Variants in CNOT7 observed in about 807,000 individuals in gnomAD.
CNOT7 encodes BTG1-binding factor 1.
CNOT7 carries 4 observed loss-of-function variants against 37.1 expected under a neutral mutation model. The observed-to-expected ratio is 0.11, with a 90% CI of 0.05 to 0.25. The LOEUF (loss-of-function observed/expected upper bound fraction) is 0.25. Among genes scored for constraint, CNOT7 ranks in the 10% least tolerant of loss-of-function variants. The pLI is 1.00. For missense variants in CNOT7, 170 were observed against 336.2 expected, an observed-to-expected ratio of 0.51 and a Z score of 3.87; for synonymous variants, 128 against 115.6, an observed-to-expected ratio of 1.11 and a Z score of -0.69.
chr8:17,233,956 A>G (rs1028444561), intron 5 of CNOT7, among the ~76,000 whole-genome samples: 4 of 152,196 alleles, frequency 2.6e-5, no homozygotes, highest in African/African-American at 9.6e-5. Flanking sequence ...CAGGAGGCTG[A>G]GGCAGGAGAA....
rs2150966875 is a variant in CNOT7 at position 17,230,866 on chromosome 8, AG to A, written c.730-19del. 1 of 1,541,464 alleles carries A rather than the reference AG, an allele frequency of 6.5e-7. No individual in the cohort carries two copies. Among genetic ancestry groups the A allele is most frequent in the Non-Finnish European group, 8.8e-7 (1 of 1,133,734 alleles). ...AAGAACATCTAAAAAGGAATTTTGA[AG>A]AAAAAAAAAAGATAATTTTAACCAA... On this transcript the variant is annotated intron_variant, in intron 6 of 6. Coordinates refer to ENST00000361272, the MANE Select transcript of CNOT7 (RefSeq NM_013354.7).
Position 17,228,834 on chromosome 8 carries a change from C to T in CNOT7, c.*1886G>A, listed in dbSNP as rs1808327580. 1 of 151,968 alleles carries T rather than the reference C, an allele frequency of 6.6e-6. No individual in the cohort carries two copies. The highest frequency in any genetic ancestry group is 2.1e-4 in the South Asian group (1 of 4,836). 9.4% of individuals were successfully genotyped at this position (151,968 alleles called of 1,614,324 possible). On this transcript the variant is annotated 3_prime_UTR_variant, in exon 7 of 7. Transcript: ENST00000361272. ...AACAGAATTTAAATATTAGTTTTCT[C>T]AGCTAACAAATCACAAGCGAAAAGA...
chr8:17,227,552 T>C lies in CNOT7; in HGVS notation c.*3168A>G, dbSNP rs1808243601. 1.3e-5 allele frequency: 2 copies of C among 151,958 alleles called. No individual in the cohort carries two copies. The highest frequency in any genetic ancestry group is 1.3e-4 in the Admixed American group (2 of 15,250). 9.4% of individuals were successfully genotyped at this position (151,958 alleles called of 1,614,324 possible). A position where few individuals can be genotyped will look rare whatever the true frequency, so the allele number is the denominator to read the frequency against. On this transcript the variant is annotated 3_prime_UTR_variant, in exon 7 of 7. Coordinates refer to ENST00000361272, the MANE Select transcript of CNOT7 (RefSeq NM_013354.7). ...TTCAGCATTAGTAAATGGTTTTCTT[T>C]GCTTGGCTAACAAATAGGCTACTTG... is the stretch of plus-strand genomic sequence containing the variant.
chr8:17,244,041 A>G (rs1390014870), intron 2 of CNOT7, among the ~76,000 whole-genome samples: 2 of 152,318 alleles, frequency 1.3e-5, no homozygotes, highest in South Asian at 4.1e-4. Flanking sequence ...ATAGTAAAGA[A>G]ATCAATATTT....
chr8:17,242,313 T>C (rs1810292375), intron 3 of CNOT7: 2 of 152,218 alleles, frequency 1.3e-5, no homozygotes, highest in African/African-American at 4.8e-5. Context: ...AGTTTGCAAA[T>C]AATCTGCCCC....
intron 6 of CNOT7, chr8:17,232,124 TG>T: frequency 9.5e-7 from 1 of 1,053,760 alleles, no homozygotes; most frequent in Non-Finnish European, 1.2e-6. Context: ...TGTTTAATCA[TG>T]GAAGTTATTA....
Position 17,226,069 on chromosome 8 carries a change from A to G in CNOT7, c.*4651T>C, listed in dbSNP as rs2150960364. The G allele has an allele frequency of 8.8e-6, 1 of 114,218 alleles. No individual in the cohort carries two copies. The highest frequency in any genetic ancestry group is 1.7e-5 in the Non-Finnish European group (1 of 57,668). The allele number at this position is 114,218 out of a possible 1,614,324, so 7.1% of individuals were successfully genotyped here. ...TTTTTTTTTTTTGAAAAGGGCAGGTAGCAAATATTAGAGGCTTTGCAAGCT... is the reference window on the plus strand; with the variant it reads ...TTTTTTTTTTTTGAAAAGGGCAGGTGGCAAATATTAGAGGCTTTGCAAGCT... On this transcript the variant is annotated 3_prime_UTR_variant, in exon 7 of 7. Transcript: ENST00000361272.
chr8:17,243,792 T>A (rs990316941), intron 2 of CNOT7, among the ~76,000 whole-genome samples: 2 of 152,352 alleles, frequency 1.3e-5, no homozygotes, highest in Non-Finnish European at 2.9e-5. Context: ...ATGATCACTA[T>A]GAATTTCCAT....
At position 17,237,322 on chromosome 8, in the gene CNOT7, G is replaced by T; in HGVS notation, c.363C>A (p.Ile121=). 1.9e-6 allele frequency: 3 copies of T among 1,613,996 alleles called. No homozygotes were observed. Among genetic ancestry groups the T allele is most frequent in the Non-Finnish European group, 2.5e-6 (3 of 1,179,962 alleles). The change falls in exon 4 of 7, where the codon ATC becomes ATA. Residue 121 remains isoleucine (I), a synonymous_variant. Transcript: ENST00000361272. Reference sequence around the variant, plus strand: ...CTTCCTCCTCATGTTTTTTAAACTGGATACCAGATGTTGTTAGTAGCTCTA... The same window carrying T: ...CTTCCTCCTCATGTTTTTTAAACTGTATACCAGATGTTGTTAGTAGCTCTA... ...DSIELLTTSG[I]QFKKHEEEGI... is the part of the protein sequence containing the mutation.
chr8:17,228,165 T>A lies in CNOT7; in HGVS notation c.*2555A>T, dbSNP rs1192907103. The A allele has an allele frequency of 6.6e-6, 1 of 151,938 alleles. No homozygotes were observed. Among genetic ancestry groups the A allele is most frequent in the Non-Finnish European group, 1.5e-5 (1 of 67,836 alleles). The allele number at this position is 151,938 out of a possible 1,614,324, so 9.4% of individuals were successfully genotyped here. A position where few individuals can be genotyped will look rare whatever the true frequency, so the allele number is the denominator to read the frequency against. Reference sequence around the variant, plus strand: ...CCAACCATTTAAAAGCCATTTTCAGTTCATGGGCCACACAAAAACAGGCAG... The same window carrying A: ...CCAACCATTTAAAAGCCATTTTCAGATCATGGGCCACACAAAAACAGGCAG... On this transcript the variant is annotated 3_prime_UTR_variant, in exon 7 of 7. Coordinates refer to ENST00000361272, the MANE Select transcript of CNOT7 (RefSeq NM_013354.7).
chr8:17,243,346 G>T, intron 2 of CNOT7, 161 bp from the exon 3 acceptor site: 1 of 650,022 alleles, frequency 1.5e-6, no homozygotes, highest in Non-Finnish European at 2.7e-6. Context: ...TCACTTTTTA[G>T]AACCATAAAA....
At chr8:17,241,650 G>A (rs907018313) in intron 3 of CNOT7, 3 of 152,046 alleles carry the variant, frequency 2.0e-5, no homozygotes, top group African/African-American at 4.8e-5. Flanking sequence ...TCAAACAGAA[G>A]AACAATGCAA....
At chr8:17,240,947 A>C (rs1390809821) in intron 3 of CNOT7, among the ~76,000 whole-genome samples, 2 of 152,208 alleles carry the variant, frequency 1.3e-5, no homozygotes, top group African/African-American at 2.4e-5. Flanking sequence ...ACAACAACAA[A>C]AAAATCTCAT....
At chr8:17,241,323 G>A (rs1276688058) in intron 3 of CNOT7, 1 of 142,070 alleles carries the variant, frequency 7.0e-6, no homozygotes, top group Non-Finnish European at 1.5e-5. Flanking sequence ...TGACCAGGCT[G>A]GTCTAGAACT....
chr8:17,228,391 A>G lies in CNOT7; in HGVS notation c.*2329T>C, dbSNP rs1808299014. On this transcript the variant is annotated 3_prime_UTR_variant, in exon 7 of 7. Transcript: ENST00000361272. ...GTAAAACTTAGACCCAGTAAAAGTC[A>G]AAATGTTCCTCTACAAAAGTTACAC... is the stretch of plus-strand genomic sequence containing the variant. 6.6e-6 allele frequency: 1 copy of G among 152,000 alleles called. No individual in the cohort carries two copies. Among genetic ancestry groups the G allele is most frequent in the South Asian group, 2.1e-4 (1 of 4,836 alleles). 9.4% of individuals were successfully genotyped at this position (152,000 alleles called of 1,614,324 possible).
rs1209235692 is a variant in CNOT7 at position 17,230,066 on chromosome 8, T to A, written c.*654A>T. On this transcript the variant is annotated 3_prime_UTR_variant, in exon 7 of 7. Coordinates refer to ENST00000361272, the MANE Select transcript of CNOT7 (RefSeq NM_013354.7). ...ATTAGAAACTGACAGACACTAGATG[T>A]GCTTGGAAGATTAAACACTACGTAC... 2 of 152,392 alleles carry A rather than the reference T, an allele frequency of 1.3e-5. No homozygotes were observed. The highest frequency in any genetic ancestry group is 3.9e-4 in the East Asian group (2 of 5,166). The allele number at this position is 152,392 out of a possible 1,614,324, so 9.4% of individuals were successfully genotyped here. A position where few individuals can be genotyped will look rare whatever the true frequency, so the allele number is the denominator to read the frequency against.
chr8:17,243,314 T>C (rs2151005738), intron 2 of CNOT7, 129 bp from the exon 3 acceptor site: 2 of 722,752 alleles, frequency 2.8e-6, no homozygotes, highest in South Asian at 1.9e-5. Flanking sequence ...AATTACAAAG[T>C]ATATTTTAAC....
At position 17,228,099 on chromosome 8, in the gene CNOT7, T is replaced by TA; in HGVS notation, c.*2620dup. The TA allele has an allele frequency of 6.6e-6, 1 of 152,056 alleles. No homozygotes were observed. Among genetic ancestry groups the TA allele is most frequent in the South Asian group, 2.1e-4 (1 of 4,830 alleles). The allele number at this position is 152,056 out of a possible 1,614,324, so 9.4% of individuals were successfully genotyped here. ...TAGACACTAAAATTTGAATTTCATG[T>TA]AATTTTCAGATGTCAGGAAATAATC... On this transcript the variant is annotated 3_prime_UTR_variant, in exon 7 of 7. Transcript: ENST00000361272.
rs941514555 is a variant in CNOT7, at chr8:17,227,271, G to A, written c.*3449C>T. On this transcript the variant is annotated 3_prime_UTR_variant, in exon 7 of 7. Coordinates refer to ENST00000361272, the MANE Select transcript of CNOT7 (RefSeq NM_013354.7). ...AGTAGATTCCACTTCAGGTTGTACT[G>A]TTTATCAACTTTTTTGAAAATATTC... 3 of 151,794 alleles carry A rather than the reference G, an allele frequency of 2.0e-5. No individual in the cohort carries two copies. Among genetic ancestry groups the A allele is most frequent in the African/African-American group, 4.8e-5 (2 of 41,412 alleles). 9.4% of individuals were successfully genotyped at this position (151,794 alleles called of 1,614,324 possible). A position where few individuals can be genotyped will look rare whatever the true frequency, so the allele number is the denominator to read the frequency against.
Sources: gnomAD v4.1 joint callset for allele counts (sites outside exome capture counted in the v4.1 genomes callset) on GRCh38, gnomAD v4.1.1 for gene constraint, MANE v1.5 for transcripts, NCBI Gene and HGNC (gene_info 2026-07-23, HGNC 2026-07-21) for gene names.